The following NUBPL variants were observed in gnomAD, a reference collection of about 807,000 sequenced individuals.
NUBPL encodes the protein iron-sulfur cluster transfer protein NUBPL.
Under a neutral mutation model 45.7 loss-of-function variants are expected in NUBPL, and 31 were observed. The ratio of observed to expected loss-of-function variants is 0.68; its 90% CI spans 0.51 to 0.92. NUBPL has a LOEUF of 0.92. Ranked by LOEUF, NUBPL falls within the 40% of genes least tolerant of loss-of-function variation. NUBPL has a pLI of 0.00. For synonymous variants in NUBPL, 144 were observed against 140.9 expected, an observed-to-expected ratio of 1.02 and a Z score of -0.15; for missense variants, 401 against 398.7, an observed-to-expected ratio of 1.01 and a Z score of -0.05.
At chr14:31,566,224 G>T (rs919773380) in intron 3 of NUBPL, among the ~76,000 whole-genome samples, 2 of 152,030 alleles carry the variant, frequency 1.3e-5, no homozygotes, top group African/African-American at 2.4e-5. Flanking sequence ...TCCAGAATCT[G>T]CCAGATCCTG....
At chr14:31,603,275 G>A (rs1189162436) in intron 4 of NUBPL, among the ~76,000 whole-genome samples, 1 of 143,874 alleles carries the variant, frequency 7.0e-6, no homozygotes, top group Admixed American at 7.1e-5. Context: ...ACTCCAGCCT[G>A]GATGACAAAG....
At chr14:31,764,682 A>G (rs2038878660) in intron 6 of NUBPL, among the ~76,000 whole-genome samples, 1 of 152,218 alleles carries the variant, frequency 6.6e-6, no homozygotes, top group South Asian at 2.1e-4. Context: ...ATGTACTTAA[A>G]TGAGAATGAA....
At position 31,599,366 on chromosome 14, in the gene NUBPL, G is replaced by A. The variant is rs755482148; in HGVS notation, c.369G>A (p.Pro123=). ...AGATGATGAATCTGAAAGGAAATCC[G>A]GAATTATCACAGAGTAAGTAAAGAA... ...VPKMMNLKGN[P]ELSQSNLMRP... The change falls in exon 4 of 11, where the codon CCG becomes CCA. Residue 123 remains proline (P), a synonymous_variant. Coordinates refer to ENST00000281081, the MANE Select transcript of NUBPL (RefSeq NM_025152.3). The A allele has an allele frequency of 2.6e-5, 42 of 1,608,962 alleles. No individual in the cohort carries two copies. The highest frequency in any genetic ancestry group is 3.3e-4 in the Middle Eastern group (2 of 5,998).
intron 10 of NUBPL, among the ~76,000 whole-genome samples, chr14:31,852,781 G>A (rs1183150836): frequency 6.6e-6 from 1 of 152,096 alleles, no homozygotes; most frequent in Non-Finnish European, 1.5e-5. Context: ...TGTGATTGAG[G>A]CCTAGGATCA....
At chr14:31,668,359 T>TA (rs1255284560) in intron 4 of NUBPL, among the ~76,000 whole-genome samples, 1 of 152,144 alleles carries the variant, frequency 6.6e-6, no homozygotes, top group African/African-American at 2.4e-5. Context: ...CTTAATACGG[T>TA]GAGGGGAAAA....
intron 6 of NUBPL, among the ~76,000 whole-genome samples, chr14:31,704,150 C>T (rs1336678398): frequency 6.6e-6 from 1 of 152,064 alleles, no homozygotes; most frequent in African/African-American, 2.4e-5. Flanking sequence ...TGAGTATTGG[C>T]CTCTTGCTAG....
At chr14:31,777,709 G>A (rs539692180) in intron 6 of NUBPL, among the ~76,000 whole-genome samples, 2 of 152,294 alleles carry the variant, frequency 1.3e-5, no homozygotes, top group South Asian at 4.1e-4. Context: ...CCCTTTCAGA[G>A]ATTTGGCTAA....
chr14:31,852,499 C>T (rs1270910724), intron 10 of NUBPL, among the ~76,000 whole-genome samples: 3 of 151,976 alleles, frequency 2.0e-5, no homozygotes, highest in East Asian at 1.9e-4. Flanking sequence ...GGTGAAACCC[C>T]GTCTCTAGTA....
intron 8 of NUBPL, among the ~76,000 whole-genome samples, chr14:31,840,593 A>G (rs201463176): frequency 1.4e-5 from 2 of 147,122 alleles, no homozygotes; most frequent in Non-Finnish European, 1.5e-5. Flanking sequence ...AAAAAAAAGA[A>G]AAAGAAAGAA....
chr14:31,627,192 A>G (rs996696432), intron 4 of NUBPL, among the ~76,000 whole-genome samples: 2 of 152,148 alleles, frequency 1.3e-5, no homozygotes, highest in Non-Finnish European at 2.9e-5. Flanking sequence ...GGGAATTGAA[A>G]TGATTTTTTT....
intron 7 of NUBPL, among the ~76,000 whole-genome samples, chr14:31,803,252 T>C (rs1046546903): frequency 6.6e-6 from 1 of 152,250 alleles, no homozygotes; most frequent in Non-Finnish European, 1.5e-5. Context: ...AAAAGGAACA[T>C]AGTAATTTCA....
chr14:31,697,993 C>T (rs140968113), intron 6 of NUBPL, among the ~76,000 whole-genome samples: 3 of 152,128 alleles, frequency 2.0e-5, no homozygotes, highest in East Asian at 3.9e-4. Flanking sequence ...CCCAAGCAGG[C>T]GATGAGAAGA....
chr14:31,841,969 C>T (rs1248585049), intron 8 of NUBPL, among the ~76,000 whole-genome samples: 8 of 101,082 alleles, frequency 7.9e-5, no homozygotes, highest in Admixed American at 3.2e-4. Flanking sequence ...CTTCCTCTGT[C>T]GCCTGGGCTG....
intron 7 of NUBPL, among the ~76,000 whole-genome samples, chr14:31,798,386 T>C (rs1288930251): frequency 1.3e-5 from 2 of 150,658 alleles, no homozygotes; most frequent in Non-Finnish European, 1.5e-5. Context: ...TGTTTTAGTG[T>C]GTGGGATAGT....
chr14:31,597,146 G>A (rs546634306), intron 3 of NUBPL, among the ~76,000 whole-genome samples: 161 of 151,532 alleles, frequency 1.1e-3, no homozygotes, highest in African/African-American at 3.6e-3. Flanking sequence ...TCCTCCCTTT[G>A]TTTCCTTTTT....
At chr14:31,848,574 A>G (rs1452046765) in intron 9 of NUBPL, among the ~76,000 whole-genome samples, 1 of 152,232 alleles carries the variant, frequency 6.6e-6, no homozygotes, top group Non-Finnish European at 1.5e-5. Flanking sequence ...AACCTATTAT[A>G]TGTCTGAAAT....
intron 4 of NUBPL, among the ~76,000 whole-genome samples, chr14:31,629,322 T>C (rs2035284179): frequency 6.6e-6 from 1 of 152,206 alleles, no homozygotes; most frequent in African/African-American, 2.4e-5. Context: ...TAAAATAGTT[T>C]GTGTCTAATG....
At chr14:31,684,402 G>A (rs760449271) in intron 6 of NUBPL, among the ~76,000 whole-genome samples, 12 of 152,174 alleles carry the variant, frequency 7.9e-5, no homozygotes, top group Non-Finnish European at 1.5e-4. Context: ...GTATTGAAGT[G>A]GGGTCCTTTC....
chr14:31,658,355 G>A (rs1364169180), intron 4 of NUBPL, among the ~76,000 whole-genome samples: 2 of 151,966 alleles, frequency 1.3e-5, no homozygotes, highest in Non-Finnish European at 1.5e-5. Flanking sequence ...TCTGATCTTC[G>A]GCTATTCCAT....
Sources: allele counts gnomAD v4.1 joint callset (sites outside exome capture counted in the v4.1 genomes callset), GRCh38; gene constraint gnomAD v4.1.1; transcripts MANE v1.5; gene names NCBI Gene and HGNC (gene_info 2026-07-23, HGNC 2026-07-21).